Variants in VRK2 observed in about 807,000 individuals in gnomAD.
The protein encoded by VRK2 is serine/threonine-protein kinase VRK2.
A neutral mutation model predicts 57.6 loss-of-function variants in VRK2; 60 were observed. The ratio of observed to expected loss-of-function variants is 1.04; its 90% CI spans 0.85 to 1.29. VRK2 has a LOEUF of 1.29. VRK2 is among the 50% of genes most tolerant of loss of function. VRK2 has a pLI of 0.00. For missense variants in VRK2, 705 were observed against 588.1 expected, an observed-to-expected ratio of 1.20 and a Z score of -2.06; for synonymous variants, 231 against 199.2, an observed-to-expected ratio of 1.16 and a Z score of -1.35.
At chr2:58,041,633 G>A (rs1023818806) in intron 3 of VRK2, among the ~76,000 whole-genome samples, 2 of 152,024 alleles carry the variant, frequency 1.3e-5, no homozygotes, top group African/African-American at 4.8e-5. Flanking sequence ...ATTCTCTTGT[G>A]GAAAAAATCT....
intron 1 of VRK2, 36 bp from the exon 2 acceptor site, chr2:58,048,791 C>T (rs749067141): frequency 6.3e-7 from 1 of 1,598,328 alleles, no homozygotes; most frequent in Non-Finnish European, 8.5e-7. Flanking sequence ...GTTTGTTTTT[C>T]TTTTTACCCA....
chr2:58,114,979 G>A (rs895589289), intron 7 of VRK2, among the ~76,000 whole-genome samples: 1 of 152,160 alleles, frequency 6.6e-6, no homozygotes, highest in African/African-American at 2.4e-5. Flanking sequence ...TGATGTGTAG[G>A]GAAGGGAGGG....
At chr2:58,067,961 G>T (rs990588426) in intron 2 of VRK2, among the ~76,000 whole-genome samples, 1 of 145,832 alleles carries the variant, frequency 6.9e-6, no homozygotes, top group African/African-American at 2.6e-5. Context: ...ACAGAGTATC[G>T]CTTTGTCACC....
At chr2:58,098,503 G>A (rs535059467) in intron 7 of VRK2, among the ~76,000 whole-genome samples, 52 of 152,024 alleles carry the variant, frequency 3.4e-4, no homozygotes, top group African/African-American at 1.2e-3. Flanking sequence ...CTTTTATATG[G>A]TACTTTTAAT....
chr2:58,055,302 T>G (rs1676352839), intron 2 of VRK2, among the ~76,000 whole-genome samples: 1 of 152,170 alleles, frequency 6.6e-6, no homozygotes, highest in Non-Finnish European at 1.5e-5. Flanking sequence ...GAATCAAGTT[T>G]AAGTATCAGG....
rs368977421 is a variant in VRK2, at chr2:58,088,363, A to G, written c.367A>G (p.Arg123Gly). The G allele has an allele frequency of 7.1e-5, 115 of 1,611,788 alleles. No individual in the cohort carries two copies. The highest frequency in any genetic ancestry group is 9.2e-5 in the Non-Finnish European group (108 of 1,179,012). ...GRSYRFMVME[R>G]LGIDLQKISG... The stretch of plus-strand genomic sequence containing the variant: ...CAGTTACAGATTTATGGTAATGGAA[A>G]GACTAGGAATAGATTTACAGAAGAT... The change falls in exon 6 of 13, where the codon AGA becomes GGA. Residue 123 changes from arginine to glycine, a missense_variant. Coordinates refer to ENST00000340157, the MANE Select transcript of VRK2 (RefSeq NM_006296.7).
chr2:58,049,055 G>T lies in VRK2; in HGVS notation c.136+88G>T, dbSNP rs1301252282. The T allele has an allele frequency of 5.6e-6, 8 of 1,436,756 alleles. No individual in the cohort carries two copies. In the African/African-American group the frequency reaches 7.2e-5, roughly 13 times the overall value. The allele number at this position is 1,436,756 out of a possible 1,614,324, so 89.0% of individuals were successfully genotyped here. ...GTGGTATTTTAAGAATGGAAATATG[G>T]AATTCATATGTGTACTTTATTAAAA... is the stretch of plus-strand genomic sequence containing the variant. On this transcript the variant is annotated intron_variant, in intron 2 of 12. Coordinates refer to ENST00000340157, the MANE Select transcript of VRK2 (RefSeq NM_006296.7).
intron 7 of VRK2, among the ~76,000 whole-genome samples, chr2:58,097,368 G>A (rs1035150483): frequency 6.6e-6 from 1 of 151,322 alleles, no homozygotes; most frequent in African/African-American, 2.4e-5. Context: ...TATTTGTTGT[G>A]TTTTCATCTT....
intron 1 of VRK2, among the ~76,000 whole-genome samples, chr2:57,997,744 A>G (rs1457085048): frequency 2.0e-5 from 3 of 152,114 alleles, no homozygotes; most frequent in Non-Finnish European, 4.4e-5. Context: ...CTCTACAAAA[A>G]TTAGCCAGGC....
intron 1 of VRK2, among the ~76,000 whole-genome samples, chr2:57,910,829 C>T (rs1372566939): frequency 6.6e-6 from 1 of 152,126 alleles, no homozygotes; most frequent in Admixed American, 6.5e-5. Context: ...GAAAAGCTCT[C>T]ACTAGATGTC....
At chr2:58,021,134 C>T (rs903586345) in intron 1 of VRK2, among the ~76,000 whole-genome samples, 1 of 152,140 alleles carries the variant, frequency 6.6e-6, no homozygotes, top group African/African-American at 2.4e-5. Flanking sequence ...ATGAAAACAT[C>T]TTCAACTACT....
intron 11 of VRK2, among the ~76,000 whole-genome samples, chr2:58,141,044 T>C (rs944932921): frequency 9.9e-5 from 15 of 152,062 alleles, no homozygotes; most frequent in African/African-American, 2.7e-4. Flanking sequence ...TATTTACGTA[T>C]TGCAGAAGGC....
At chr2:58,003,785 T>C (rs1228862966) in intron 1 of VRK2, among the ~76,000 whole-genome samples, 1 of 152,160 alleles carries the variant, frequency 6.6e-6, no homozygotes. Context: ...CCAGGCTGAA[T>C]CAAGGCAGTT....
intron 1 of VRK2, among the ~76,000 whole-genome samples, chr2:57,935,658 T>G (rs766344612): frequency 6.6e-6 from 1 of 151,484 alleles, no homozygotes; most frequent in Non-Finnish European, 1.5e-5. Context: ...TCTTCTCTGC[T>G]CTCATTCTCT....
At chr2:58,078,655 A>G (rs1670458620) in intron 2 of VRK2, among the ~76,000 whole-genome samples, 3 of 152,034 alleles carry the variant, frequency 2.0e-5, no homozygotes, top group African/African-American at 7.2e-5. Flanking sequence ...CCTTGCCAGC[A>G]TCTGTTATTT....
chr2:58,156,247 A>T lies in VRK2; in HGVS notation c.1183-3102A>T, dbSNP rs1379844218. 2.0e-5 allele frequency among the ~76,000 whole-genome samples: 3 copies of T among 152,238 alleles called. No homozygotes were observed. In the East Asian group the frequency reaches 5.8e-4, roughly 29 times the overall value. ...AGGTCTGTTTTTTTTTCTGCTAAGA[A>T]GTTAGCAGTTATTCTTATTGGCCCA... On this transcript the variant is annotated intron_variant, in intron 12 of 12. Coordinates refer to ENST00000340157, the MANE Select transcript of VRK2 (RefSeq NM_006296.7).
At chr2:57,936,663 G>T (rs1304401119) in intron 1 of VRK2, among the ~76,000 whole-genome samples, 1 of 151,220 alleles carries the variant, frequency 6.6e-6, no homozygotes, top group Non-Finnish European at 1.5e-5. Context: ...AATATTTCCT[G>T]TTGTATTTAT....
chr2:58,144,768 T>C (rs762681551), intron 11 of VRK2, among the ~76,000 whole-genome samples: 2 of 151,994 alleles, frequency 1.3e-5, no homozygotes, highest in African/African-American at 2.4e-5. Context: ...AATAAAGAAT[T>C]CCTGCATGAT....
At chr2:58,037,965 T>A (rs1298556449) in intron 3 of VRK2, among the ~76,000 whole-genome samples, 1 of 152,152 alleles carries the variant, frequency 6.6e-6, no homozygotes, top group African/African-American at 2.4e-5. Context: ...GTAGCAAGTA[T>A]TCATTCAACA....
Sources: gnomAD v4.1 joint callset for allele counts (sites outside exome capture counted in the v4.1 genomes callset) on GRCh38, gnomAD v4.1.1 for gene constraint, MANE v1.5 for transcripts, NCBI Gene and HGNC (gene_info 2026-07-23, HGNC 2026-07-21) for gene names.